The following GATA2 variants were observed in gnomAD, a reference collection of about 807,000 sequenced individuals.
GATA2 encodes the protein GATA binding protein 2, also known as endothelial transcription factor GATA-2.
GATA2 carries 6 observed loss-of-function variants against 35.7 expected under a neutral mutation model. That is an observed-to-expected ratio of 0.17 (90% CI 0.09 to 0.33). The LOEUF (loss-of-function observed/expected upper bound fraction) is 0.33, where lower values mean the gene tolerates loss of function less well. Ranked by LOEUF, GATA2 falls within the 10% of genes least tolerant of loss-of-function variation. GATA2 has a pLI of 1.00. For synonymous variants in GATA2, 313 were observed against 274.9 expected (o/e 1.14, Z -1.37); for missense variants, 541 against 656.6 (o/e 0.82, Z 1.92).
chr3:128,484,073 C>G, intron 3 of GATA2, 68 bp from the exon 4 acceptor site: 1 of 1,578,384 alleles, frequency 6.3e-7, no homozygotes, highest in Non-Finnish European at 8.6e-7. Flanking sequence ...GAGTCCAGGG[C>G]AGGAAAGCAG....
rs1473017164 is a variant in GATA2, at chr3:128,488,966, G to C, written c.-45-1890C>G. Among the ~76,000 whole-genome samples, 1 of 152,074 alleles carries C rather than the reference G, an allele frequency of 6.6e-6. No homozygotes were observed. The highest frequency in any genetic ancestry group is 2.4e-5 in the African/African-American group (1 of 41,436). On this transcript the variant is annotated intron_variant, in intron 1 of 5. Transcript: ENST00000341105. The surrounding 1 kb of genome is among the most constrained non-coding windows in gnomAD (Gnocchi z 5.8). ...CTAGACAGGTGCCGAGTACTGGGGG[G>C]ACTCAACAGCGTCCTCCAGCCCTCT...
Position 128,480,652 on chromosome 3 carries a change from TC to T in GATA2, c.*366del. ...TTGGGACAGCTCAGACCACCAAGTC[TC>T]CAAGTCCTTGTTAGAAACAAGAGCA... is the stretch of plus-strand genomic sequence containing the variant. On this transcript the variant is annotated 3_prime_UTR_variant, in exon 6 of 6. Transcript: ENST00000341105. 3.2e-6 allele frequency: 1 copy of T among 307,788 alleles called. No individual in the cohort carries two copies. The highest frequency in any genetic ancestry group is 6.0e-6 in the Non-Finnish European group (1 of 165,972). 19.1% of individuals were successfully genotyped at this position (307,788 alleles called of 1,614,324 possible). A position where few individuals can be genotyped will look rare whatever the true frequency, so the allele number is the denominator to read the frequency against.
In GATA2 at chr3:128,488,440, C is replaced by CGAGAGGGGCA. The variant is rs1343676771; in HGVS notation, c.-45-1374_-45-1365dup. The CGAGAGGGGCA allele has an allele frequency of 6.5e-6, 1 of 153,132 alleles. No homozygotes were observed. Among genetic ancestry groups the CGAGAGGGGCA allele is most frequent in the African/African-American group, 2.4e-5 (1 of 41,454 alleles). The allele number at this position is 153,132 out of a possible 1,614,324, so 9.5% of individuals were successfully genotyped here. A position where few individuals can be genotyped will look rare whatever the true frequency, so the allele number is the denominator to read the frequency against. On this transcript the variant is annotated intron_variant, in intron 1 of 5. Coordinates refer to ENST00000341105, the MANE Select transcript of GATA2 (RefSeq NM_032638.5). The surrounding 1 kb of genome is among the most constrained non-coding windows in gnomAD (Gnocchi z 5.8). ...ACGACAGCGGCGGAACAGCAGGAGC[C>CGAGAGGGGCA]GAGAGGGGCAGAGAGGGGCAGGAAC...
intron 3 of GATA2, among the ~76,000 whole-genome samples, chr3:128,485,443 AG>A (rs1179565399): frequency 1.3e-5 from 2 of 152,300 alleles, no homozygotes; most frequent in East Asian, 3.9e-4. Flanking sequence ...AGGGAGGGAA[AG>A]GGGGAATTCC....
chr3:128,486,475 C>A, intron 2 of GATA2, 107 bp from the exon 3 acceptor site: 1 of 1,368,134 alleles, frequency 7.3e-7, no homozygotes, highest in Non-Finnish European at 1.0e-6. Flanking sequence ...AACCAGCAGT[C>A]ATCCCCTCCC....
chr3:128,481,274 C>A lies in GATA2; in HGVS notation c.1188G>T (p.Arg396=). 6.2e-7 allele frequency: 1 copy of A among 1,614,156 alleles called. No individual in the cohort carries two copies. ...LTMKKEGIQT[R]NRKMSNKSKK... is the part of the protein sequence containing the mutation. ...TGGACTTGTTGGACATCTTCCGGTT[C>A]CGAGTCTGGATCCCTTCCTTCTTCA... Residue 396 remains arginine (R), a synonymous_variant, in exon 6 of 6, where the codon CGG becomes CGT. Coordinates refer to ENST00000341105, the MANE Select transcript of GATA2 (RefSeq NM_032638.5).
intron 4 of GATA2, chr3:128,482,214 C>T (rs2068639503): frequency 2.0e-6 from 1 of 509,224 alleles, no homozygotes; most frequent in Non-Finnish European, 3.5e-6. Context: ...AGCTACCTCC[C>T]CCAACTACCC....
rs2068635788 is a variant in GATA2, at chr3:128,481,941, C to G, written c.1021G>C (p.Ala341Pro). The G allele has an allele frequency of 5.0e-6, 8 of 1,613,416 alleles. No individual in the cohort carries two copies. Among genetic ancestry groups the G allele is most frequent in the Non-Finnish European group, 6.8e-6 (8 of 1,180,006 alleles). The stretch of plus-strand genomic sequence containing the variant: ...CAACAGGTGCCGGCTCTTCTGGCGG[C>G]CGACTGGGAGGGCAAGGCAGCGTCA... The part of the protein sequence containing the change: ...PLIKPKRRLS[A>P]ARRAGTCCAN... Residue 341 changes from alanine to proline, a missense_variant, in exon 5 of 6, where the codon GCC becomes CCC. Physicochemically the swap from Ala to Pro is conservative, Grantham distance 27. Around this residue, in one of 5 missense-constraint regions of GATA2, gnomAD observed 19 missense variants for 18.9 expected, o/e 1.00. Coordinates refer to ENST00000341105, the MANE Select transcript of GATA2 (RefSeq NM_032638.5).
At position 128,481,229 on chromosome 3, in the gene GATA2, C is replaced by T. The variant is rs34172218; in HGVS notation, c.1233G>A (p.Ala411=). The T allele has an allele frequency of 0.022, 36,133 of 1,614,210 alleles. 552 individuals are homozygous for T. Among genetic ancestry groups the T allele is most frequent in the Middle Eastern group, 0.058 (353 of 6,062 alleles). ...SNKSKKSKKG[A]ECFEELSKCM... ...ACTTTGACAGCTCCTCGAAGCACTCCGCCCCTTTCTTGCTCTTCTTGGACT... is the reference window on the plus strand; with the variant it reads ...ACTTTGACAGCTCCTCGAAGCACTCTGCCCCTTTCTTGCTCTTCTTGGACT... The change falls in exon 6 of 6, where the codon GCG becomes GCA. Residue 411 remains alanine (A), a synonymous_variant. Coordinates refer to ENST00000341105, the MANE Select transcript of GATA2 (RefSeq NM_032638.5).
intron 3 of GATA2, among the ~76,000 whole-genome samples, chr3:128,484,995 A>C (rs1281370547): frequency 6.6e-6 from 1 of 151,986 alleles, no homozygotes; most frequent in African/African-American, 2.4e-5. Flanking sequence ...GACAGCAAGA[A>C]CTCCACACTA....
intron 1 of GATA2, among the ~76,000 whole-genome samples, chr3:128,487,294 A>T (rs972376525): frequency 6.6e-6 from 1 of 152,188 alleles, no homozygotes; most frequent in Non-Finnish European, 1.5e-5. Context: ...CTCCAGAATC[A>T]CACACCCGTG....
chr3:128,486,774 G>A, intron 2 of GATA2, 29 bp downstream of exon 2: 1 of 1,571,950 alleles, frequency 6.4e-7, no homozygotes, highest in African/African-American at 1.3e-5. Flanking sequence ...CGGCGCCTGG[G>A]TTCTCATCAC....
At position 128,486,295 on chromosome 3, in the gene GATA2, G is replaced by A. The variant is rs1399106413; in HGVS notation, c.303C>T (p.Gly101=). 2 of 1,587,966 alleles carry A rather than the reference G, an allele frequency of 1.3e-6. No homozygotes were observed. The highest frequency in any genetic ancestry group is 1.7e-6 in the Non-Finnish European group (2 of 1,169,774). ...CCGCAGCGGCAGAGAGGGCTGCTTT[G>A]CCCCCGTCCAGCCAGGGCAAACCCG... ...HSPGLPWLDG[G]KAALSAAAAH... Residue 101 remains glycine (G), a synonymous_variant, in exon 3 of 6, where the codon GGC becomes GGT. Transcript: ENST00000341105.
chr3:128,479,876 T>C lies in GATA2; in HGVS notation c.*1143A>G, dbSNP rs912226386. 1.3e-5 allele frequency: 3 copies of C among 232,904 alleles called. No individual in the cohort carries two copies. The Admixed American group carries it at 1.7e-4, about 13-fold the overall frequency. The allele number at this position is 232,904 out of a possible 1,614,324, so 14.4% of individuals were successfully genotyped here. On this transcript the variant is annotated 3_prime_UTR_variant, in exon 6 of 6. Transcript: ENST00000341105. ...AGGGACACAGCCTCTCCCTGGGTCC[T>C]GGTCCTGACCTGCCCCCAACTCCTG... is the stretch of plus-strand genomic sequence containing the variant.
At position 128,481,828 on chromosome 3, in the gene GATA2, C is replaced by T. The variant is rs1397473749; in HGVS notation, c.1134G>A (p.Lys378=). The T allele has an allele frequency of 1.2e-6, 2 of 1,613,976 alleles. No homozygotes were observed. Among genetic ancestry groups the T allele is most frequent in the Non-Finnish European group, 1.7e-6 (2 of 1,180,016 alleles). The change falls in exon 5 of 6, where the codon AAG becomes AAA. Residue 378 remains lysine, a synonymous_variant. Coordinates refer to ENST00000341105, the MANE Select transcript of GATA2 (RefSeq NM_032638.5). The stretch of plus-strand genomic sequence containing the variant: ...GGCGGGGCGCACTCACATTGTGCAG[C>T]TTGTAGTAGAGGCCACAGGCGTTGC... ...PVCNACGLYY[K]LHNVNRPLTM... is the part of the protein sequence containing the mutation.
At chr3:128,491,208 G>GCA (rs2068763111) in intron 1 of GATA2, among the ~76,000 whole-genome samples, 1 of 107,390 alleles carries the variant, frequency 9.3e-6, no homozygotes, top group Admixed American at 9.1e-5. Context: ...CGGCCGTCCA[G>GCA]CCCCCCCCCC....
intron 1 of GATA2, chr3:128,489,296 GC>G: frequency 6.6e-6 from 1 of 152,438 alleles, no homozygotes; most frequent in Non-Finnish European, 1.5e-5. Flanking sequence ...CCGCGGGCGC[GC>G]CCCCGTCACC....
In GATA2 at chr3:128,486,378, AAG is replaced by A. The variant is rs1256875071; in HGVS notation, c.230-12_230-11del. ...CCTCCGGTCAGGCGGGCTGCGGGCAAAGAGAGAGAGGATCAGGGTGGGCAGAA... is the reference window on the plus strand; with the variant it reads ...CCTCCGGTCAGGCGGGCTGCGGGCAAAGAGAGAGGATCAGGGTGGGCAGAA... On this transcript the variant is annotated splice_polypyrimidine_tract_variant and intron_variant, in intron 2 of 5. Transcript: ENST00000341105. The A allele has an allele frequency of 3.8e-6, 6 of 1,595,316 alleles. No individual in the cohort carries two copies. Among genetic ancestry groups the A allele is most frequent in the Admixed American group, 3.4e-5 (2 of 58,544 alleles).
At position 128,482,170 on chromosome 3, in the gene GATA2, A is replaced by C. The variant is rs11717152; in HGVS notation, c.1018-226T>G. ...GAACTCTCAGAAGCCTGATGTTAGAATCAACGGGATTGCAAGAGCTACAGA... is the reference window on the plus strand; with the variant it reads ...GAACTCTCAGAAGCCTGATGTTAGACTCAACGGGATTGCAAGAGCTACAGA... On this transcript the variant is annotated intron_variant, in intron 4 of 5. Coordinates refer to ENST00000341105, the MANE Select transcript of GATA2 (RefSeq NM_032638.5). 130,048 of 599,928 alleles carry C rather than the reference A, an allele frequency of 0.22. 14,978 individuals carry two copies. Among genetic ancestry groups the C allele is most frequent in the African/African-American group, 0.25 (13,551 of 53,774 alleles). The allele number at this position is 599,928 out of a possible 1,614,324, so 37.2% of individuals were successfully genotyped here.
Sources: gnomAD v4.1 joint callset for allele counts (sites outside exome capture counted in the v4.1 genomes callset) on GRCh38, gnomAD v4.1.1 for gene constraint, gnomAD v4.1.1 regional missense constraint, Gnocchi (gnomAD v3.1) non-coding constraint, MANE v1.5 for transcripts, NCBI Gene and HGNC (gene_info 2026-07-23, HGNC 2026-07-21) for gene names.